The following CHMP7 variants were observed in gnomAD, a reference collection of about 807,000 sequenced individuals.
CHMP7 encodes CHMP family, member 7.
A neutral mutation model predicts 53.7 loss-of-function variants in CHMP7; 15 were observed. The ratio of observed to expected loss-of-function variants is 0.28; its 90% CI spans 0.19 to 0.43. The LOEUF (loss-of-function observed/expected upper bound fraction) is 0.43. Among genes scored for constraint, CHMP7 ranks in the 20% least tolerant of loss-of-function variants. The pLI is 1.00. For missense variants in CHMP7, 527 were observed against 569.4 expected, an observed-to-expected ratio of 0.93 and a Z score of 0.76; for synonymous variants, 261 against 228.0, an observed-to-expected ratio of 1.14 and a Z score of -1.30.
In CHMP7 at chr8:23,261,519, AGT is replaced by A. The variant is rs2128861390; in HGVS notation, c.*923_*924del. On this transcript the variant is annotated 3_prime_UTR_variant, in exon 11 of 11. Coordinates refer to ENST00000397677, the MANE Select transcript of CHMP7 (RefSeq NM_152272.5). ...AGCACCGGGCTCTCTGAATTTGGAA[AGT>A]GTTTCATTTTGTGGCCTACTGCTCG... 6.5e-6 allele frequency: 1 copy of A among 152,768 alleles called. No individual in the cohort carries two copies. The highest frequency in any genetic ancestry group is 2.1e-4 in the South Asian group (1 of 4,820). The allele number at this position is 152,768 out of a possible 1,614,324, so 9.5% of individuals were successfully genotyped here.
intron 1 of CHMP7, among the ~76,000 whole-genome samples, chr8:23,245,739 A>G (rs1196870282): frequency 6.6e-6 from 1 of 152,228 alleles, no homozygotes. Flanking sequence ...TTATCAAATG[A>G]AACCATCTGG....
In CHMP7 at chr8:23,246,397, GT is replaced by G; in HGVS notation, c.-298del. The G allele has an allele frequency of 2.3e-6, 1 of 435,896 alleles. No homozygotes were observed. The highest frequency in any genetic ancestry group is 4.4e-5 in the East Asian group (1 of 22,706). 27.0% of individuals were successfully genotyped at this position (435,896 alleles called of 1,614,324 possible). On this transcript the variant is annotated 5_prime_UTR_variant, in exon 2 of 11. Coordinates refer to ENST00000397677, the MANE Select transcript of CHMP7 (RefSeq NM_152272.5). ...TCCAGAATCTTGAAGGAGACGTAAG[GT>G]GCAGCCACCTGCCGCGCAGGCGCAA...
At chr8:23,245,071 A>G (rs1801638574) in intron 1 of CHMP7, among the ~76,000 whole-genome samples, 2 of 152,236 alleles carry the variant, frequency 1.3e-5, no homozygotes, top group South Asian at 2.1e-4. Flanking sequence ...TATGTCTTCT[A>G]TAAAGACAGA....
Position 23,259,085 on chromosome 8 carries a change from A to C in CHMP7, c.1079A>C (p.Glu360Ala). 6.2e-7 allele frequency: 1 copy of C among 1,608,890 alleles called. No homozygotes were observed. ...TTACAGCTCTGTGACACCCAGGATG[A>C]AGTTTCTCAGACTCTGGCTGGTGGG... is the stretch of plus-strand genomic sequence containing the variant. ...QIQELCDTQD[E>A]VSQTLAGGVT... The change falls in exon 9 of 11, where the codon GAA becomes GCA. Residue 360 changes from glutamate to alanine, a missense_variant. Coordinates refer to ENST00000397677, the MANE Select transcript of CHMP7 (RefSeq NM_152272.5).
At position 23,246,982 on chromosome 8, in the gene CHMP7, A is replaced by C; in HGVS notation, c.287A>C (p.Gln96Pro). The change falls in exon 2 of 11, where the codon CAG (glutamine) becomes CCG (proline). Residue 96 changes from glutamine to proline, a missense_variant. Coordinates refer to ENST00000397677, the MANE Select transcript of CHMP7 (RefSeq NM_152272.5). ...SVPLGLATVL[Q>P]DLLRRGELQR... ...CCGCTGGGGCTGGCCACGGTGCTGC[A>C]GGACCTGCTGCGGTGAGGGGCGGGC... The C allele has an allele frequency of 2.0e-6, 3 of 1,534,786 alleles. No homozygotes were observed. Among genetic ancestry groups the C allele is most frequent in the Non-Finnish European group, 2.6e-6 (3 of 1,144,816 alleles).
intron 3 of CHMP7, among the ~76,000 whole-genome samples, chr8:23,254,495 A>G (rs1363662566): frequency 6.6e-6 from 1 of 151,794 alleles, no homozygotes; most frequent in East Asian, 1.9e-4. Flanking sequence ...CCCAGGTTCA[A>G]GTGATTCTCC....
intron 9 of CHMP7, among the ~76,000 whole-genome samples, chr8:23,259,470 C>T (rs12675586): frequency 0.043 from 6,464 of 151,992 alleles, 366 homozygotes; most frequent in East Asian, 0.29. Context: ...AAGTGATTCT[C>T]CTGCCTCAGC....
intron 3 of CHMP7, among the ~76,000 whole-genome samples, chr8:23,254,560 A>ATTTTT (rs57587219): frequency 5.5e-5 from 8 of 146,092 alleles, no homozygotes; most frequent in African/African-American, 2.0e-4. Context: ...ACATCCAGCT[A>ATTTTT]TTTTTTTTTT....
rs1466736571 is a variant in CHMP7 at position 23,261,216 on chromosome 8, A to G, written c.*617A>G. 6.5e-6 allele frequency: 1 copy of G among 153,644 alleles called. No individual in the cohort carries two copies. Among genetic ancestry groups the G allele is most frequent in the Non-Finnish European group, 1.4e-5 (1 of 69,130 alleles). 9.5% of individuals were successfully genotyped at this position (153,644 alleles called of 1,614,324 possible). On this transcript the variant is annotated 3_prime_UTR_variant, in exon 11 of 11. Coordinates refer to ENST00000397677, the MANE Select transcript of CHMP7 (RefSeq NM_152272.5). ...AAAGAGGTCGCCCCAAGTGGCCCAGAGTCGTGACAGTCCGGAGGGGCTGGT... is the reference window on the plus strand; with the variant it reads ...AAAGAGGTCGCCCCAAGTGGCCCAGGGTCGTGACAGTCCGGAGGGGCTGGT...
chr8:23,244,925 T>C (rs1389170193), intron 1 of CHMP7, among the ~76,000 whole-genome samples: 2 of 152,250 alleles, frequency 1.3e-5, no homozygotes, highest in Non-Finnish European at 2.9e-5. Context: ...TTTAATTTCA[T>C]ATTCCACTTG....
chr8:23,247,426 G>A (rs963045203), intron 2 of CHMP7, among the ~76,000 whole-genome samples: 3 of 152,190 alleles, frequency 2.0e-5, no homozygotes, highest in African/African-American at 7.2e-5. Flanking sequence ...AGGCCTGTAG[G>A]CATCTTGCCA....
intron 3 of CHMP7, among the ~76,000 whole-genome samples, chr8:23,250,439 A>G (rs1801875096): frequency 6.6e-6 from 1 of 151,814 alleles, no homozygotes; most frequent in African/African-American, 2.4e-5. Context: ...AACCCACTCA[A>G]TGCTTTTCCG....
At chr8:23,245,067 T>G (rs564822958) in intron 1 of CHMP7, among the ~76,000 whole-genome samples, 2 of 152,362 alleles carry the variant, frequency 1.3e-5, no homozygotes, top group South Asian at 4.1e-4. Context: ...TAATTATGTC[T>G]TCTATAAAGA....
chr8:23,255,349 C>T lies in CHMP7; in HGVS notation c.574C>T (p.Pro192Ser). ...ELSTLCANSC[P>S]DERTFYLVLL... ...CAGCACCCTCTGTGCTAACTCCTGC[C>T]CAGATGAGAGGACCTTCTACTTGGT... is the stretch of plus-strand genomic sequence containing the variant. The change falls in exon 4 of 11, where the codon CCA becomes TCA. Residue 192 changes from proline (P) to serine (S), a missense_variant. Pro to Ser is a moderately conservative substitution (Grantham distance 74). Coordinates refer to ENST00000397677, the MANE Select transcript of CHMP7 (RefSeq NM_152272.5). 2 of 1,614,118 alleles carry T rather than the reference C, an allele frequency of 1.2e-6. No individual in the cohort carries two copies. The highest frequency in any genetic ancestry group is 1.7e-6 in the Non-Finnish European group (2 of 1,180,006).
chr8:23,246,725 C>T lies in CHMP7; in HGVS notation c.30C>T (p.Ala10=). 2.6e-6 allele frequency: 4 copies of T among 1,550,012 alleles called. No individual in the cohort carries two copies. The highest frequency in any genetic ancestry group is 3.5e-6 in the Non-Finnish European group (4 of 1,147,168). Residue 10 remains alanine (A), a synonymous_variant, in exon 2 of 11, where the codon GCC becomes GCT. Transcript: ENST00000397677. MWSPEREAE[A]PAGGDPAGLL... is the part of the protein sequence containing the mutation. ...GGTCCCCGGAGCGGGAGGCCGAGGC[C>T]CCAGCCGGGGGAGACCCGGCGGGCC...
chr8:23,251,091 C>T (rs972500180), intron 3 of CHMP7, among the ~76,000 whole-genome samples: 18 of 152,320 alleles, frequency 1.2e-4, no homozygotes, highest in Admixed American at 2.0e-4. Flanking sequence ...CAGGTCCTCT[C>T]TGCGGTCTTT....
Position 23,246,759 on chromosome 8 carries a change from C to A in CHMP7, c.64C>A (p.Pro22Thr). The change falls in exon 2 of 11, where the codon CCC becomes ACC. Residue 22 changes from proline to threonine, a missense_variant. Coordinates refer to ENST00000397677, the MANE Select transcript of CHMP7 (RefSeq NM_152272.5). ...GGGAGACCCGGCGGGCCTTCTGCCC[C>A]CCGAGTGGGAGGAGGACGAGGAGCG... ...AGGDPAGLLPPEWEEDEERMS... is the reference protein window; with the variant it reads ...AGGDPAGLLPTEWEEDEERMS... 1 of 1,557,382 alleles carries A rather than the reference C, an allele frequency of 6.4e-7. No homozygotes were observed. Among genetic ancestry groups the A allele is most frequent in the Non-Finnish European group, 8.7e-7 (1 of 1,150,958 alleles).
intron 1 of CHMP7, among the ~76,000 whole-genome samples, chr8:23,245,601 T>C (rs1801657140): frequency 6.6e-6 from 1 of 152,228 alleles, no homozygotes; most frequent in South Asian, 2.1e-4. Context: ...GTAATGTCTT[T>C]GTGTGGTTTT....
rs1182158249 is a variant in CHMP7, at chr8:23,260,676, ACT to A, written c.*81_*82del. Reference sequence around the variant, plus strand: ...GTGTACATAGTTATTTAAACAAGAAACTCTCAGAATGTGTTTGGAAGAGGAGA... The same window carrying A: ...GTGTACATAGTTATTTAAACAAGAAACTCAGAATGTGTTTGGAAGAGGAGA... On this transcript the variant is annotated 3_prime_UTR_variant, in exon 11 of 11. Transcript: ENST00000397677. The A allele has an allele frequency of 8.8e-6, 10 of 1,130,594 alleles. No homozygotes were observed. The highest frequency in any genetic ancestry group is 1.2e-5 in the Non-Finnish European group (9 of 741,968). 70.0% of individuals were successfully genotyped at this position (1,130,594 alleles called of 1,614,324 possible).
Sources: gnomAD v4.1 joint callset for allele counts (sites outside exome capture counted in the v4.1 genomes callset) on GRCh38, gnomAD v4.1.1 for gene constraint, MANE v1.5 for transcripts, NCBI Gene and HGNC (gene_info 2026-07-23, HGNC 2026-07-21) for gene names.